ATG4A: variants seen among roughly 807,000 people sequenced by gnomAD.
ATG4A encodes the protein autophagy related 4A cysteine peptidase.
ATG4A carries 22 observed loss-of-function variants against 38.4 expected under a neutral mutation model. The ratio of observed to expected loss-of-function variants is 0.57; its 90% confidence interval spans 0.41 to 0.82. The LOEUF (loss-of-function observed/expected upper bound fraction) is 0.82, where lower values mean the gene tolerates loss of function less well. Among genes scored for constraint, ATG4A ranks in the 40% least tolerant of loss-of-function variants. The pLI is 0.00. For synonymous variants in ATG4A, 86 were observed against 100.7 expected, an observed-to-expected ratio of 0.85 and a Z score of 0.88; for missense variants, 220 against 290.0, an observed-to-expected ratio of 0.76 and a Z score of 1.75.
At position 108,126,167 on chromosome X, in the gene ATG4A, A is replaced by G; in HGVS notation, c.101A>G (p.Lys34Arg). ...DTDELVWILG[K>R]QHLLKTEKSK... ...GATGAGCTGGTATGGATCTTAGGGA[A>G]GCAGCATCTCCTTAAAACAGGTAAG... is the stretch of plus-strand genomic sequence containing the variant. The change falls in exon 2 of 13, where the codon AAG becomes AGG. Residue 34 changes from lysine (K) to arginine (R), a missense_variant. This residue lies in a region of ATG4A where 61 missense variants were observed against 83.3 expected (regional missense o/e 0.73). Coordinates refer to ENST00000372232, the MANE Select transcript of ATG4A (RefSeq NM_052936.5). The G allele has an allele frequency of 5.0e-6, 6 of 1,204,425 alleles. No individual in the cohort carries two copies. The highest frequency in any genetic ancestry group is 6.7e-6 in the Non-Finnish European group (6 of 888,960).
chrX:108,112,478 G>A (rs2032386493), intron 1 of ATG4A, among the ~76,000 whole-genome samples: 1 of 108,342 alleles, frequency 9.2e-6, no homozygotes, highest in Non-Finnish European at 1.9e-5. Context: ...TGCAAGCTCC[G>A]CCTCCCGGGT....
intron 9 of ATG4A, among the ~76,000 whole-genome samples, chrX:108,147,510 C>T (rs2033453766): frequency 9.0e-6 from 1 of 111,612 alleles, no homozygotes; most frequent in African/African-American, 3.3e-5. Context: ...ATGATAAGAG[C>T]TTGTGTCTGT....
chrX:108,130,297 A>G (rs1204455209), intron 3 of ATG4A, among the ~76,000 whole-genome samples: 1 of 111,259 alleles, frequency 9.0e-6, no homozygotes, highest in Non-Finnish European at 1.9e-5. Context: ...ATATTTTTCC[A>G]CTTCCACACT....
chrX:108,150,637 A>G (rs1358757019), intron 10 of ATG4A, among the ~76,000 whole-genome samples: 1 of 112,940 alleles, frequency 8.9e-6, no homozygotes, highest in Non-Finnish European at 1.9e-5. Context: ...GGAAGAGCAA[A>G]GGGATGTCTT....
intron 5 of ATG4A, 61 bp from the exon 6 acceptor site, chrX:108,134,278 A>G: frequency 8.5e-7 from 1 of 1,171,018 alleles, no homozygotes; most frequent in Non-Finnish European, 1.2e-6. Context: ...AAAAATTAAG[A>G]TTTTGTGGCT....
At chrX:108,098,524 C>T (rs929687588) in intron 1 of ATG4A, among the ~76,000 whole-genome samples, 14 of 110,989 alleles carry the variant, frequency 1.3e-4, no homozygotes, top group South Asian at 3.8e-4. Flanking sequence ...TGGAATGATA[C>T]GTGTGTATAA....
At chrX:108,115,223 T>C (rs1446846285) in intron 1 of ATG4A, among the ~76,000 whole-genome samples, 1 of 109,910 alleles carries the variant, frequency 9.1e-6, no homozygotes, top group East Asian at 2.8e-4. Context: ...TTAGTATAAT[T>C]TTTACAGTCT....
At chrX:108,122,352 C>A (rs1436734565) in intron 1 of ATG4A, among the ~76,000 whole-genome samples, 2 of 111,979 alleles carry the variant, frequency 1.8e-5, no homozygotes, top group Admixed American at 9.5e-5. Flanking sequence ...AATGAAAAAA[C>A]TGGCAGAAAT....
chrX:108,100,066 G>C (rs766830092), intron 1 of ATG4A, among the ~76,000 whole-genome samples: 2 of 111,608 alleles, frequency 1.8e-5, no homozygotes, highest in African/African-American at 6.5e-5. Context: ...TCTTTACTAT[G>C]CTGAGTCTTC....
intron 9 of ATG4A, among the ~76,000 whole-genome samples, chrX:108,146,069 C>T (rs909517385): frequency 2.7e-5 from 3 of 111,533 alleles, no homozygotes; most frequent in Non-Finnish European, 5.7e-5. Context: ...GCTAAAAGGC[C>T]GGAGGTCTCC....
intron 4 of ATG4A, among the ~76,000 whole-genome samples, chrX:108,132,062 C>T (rs933619691): frequency 3.6e-5 from 4 of 111,480 alleles, no homozygotes; most frequent in African/African-American, 1.3e-4. Flanking sequence ...CCACGCCTGG[C>T]TGATTTTTGA....
chrX:108,150,514 C>T (rs975196913), intron 10 of ATG4A, among the ~76,000 whole-genome samples: 4 of 112,655 alleles, frequency 3.6e-5, no homozygotes, highest in Non-Finnish European at 7.5e-5. Flanking sequence ...AGTCTGTTCT[C>T]CCACTGCTGA....
intron 1 of ATG4A, among the ~76,000 whole-genome samples, chrX:108,103,704 T>C (rs1260176382): frequency 8.9e-6 from 1 of 112,544 alleles, no homozygotes; most frequent in Non-Finnish European, 1.9e-5. Flanking sequence ...TATAACAACC[T>C]ATATTAAGCT....
intron 1 of ATG4A, among the ~76,000 whole-genome samples, chrX:108,102,416 A>ATT (rs199837071): frequency 3.6e-5 from 4 of 111,310 alleles, no homozygotes; most frequent in African/African-American, 9.8e-5. Flanking sequence ...ATTTGGTGAG[A>ATT]TTTTTTGTTA....
In ATG4A at chrX:108,154,584, C is replaced by G. The variant is rs1272530636; in HGVS notation, c.*872C>G. ...AAGCAGGTGGAGGGCTGGGTTTGGC[C>G]TGCAGGCTGTAGCTTGCCAATCAGT... On this transcript the variant is annotated 3_prime_UTR_variant, in exon 13 of 13. Coordinates refer to ENST00000372232, the MANE Select transcript of ATG4A (RefSeq NM_052936.5). The G allele has an allele frequency of 1.8e-5, 2 of 112,426 alleles. No individual in the cohort carries two copies. The highest frequency in any genetic ancestry group is 3.8e-5 in the Non-Finnish European group (2 of 53,306). 9.3% of individuals were successfully genotyped at this position (112,426 alleles called of 1,213,427 possible). A position where few individuals can be genotyped will look rare whatever the true frequency, so the allele number is the denominator to read the frequency against.
At position 108,134,038 on chromosome X, in the gene ATG4A, A is replaced by ATT; in HGVS notation, c.293-11_293-10dup. Reference sequence around the variant, plus strand: ...ACAGTTATAAAAATGTTTCTAACCCATTTTTTTTTCTTAAAAAGACTGGAG... The same window carrying ATT: ...ACAGTTATAAAAATGTTTCTAACCCATTTTTTTTTTTCTTAAAAAGACTGGAG... On this transcript the variant is annotated intron_variant, in intron 4 of 12. Transcript: ENST00000372232. 1 of 1,115,461 alleles carries ATT rather than the reference A, an allele frequency of 9.0e-7. No individual in the cohort carries two copies. Among genetic ancestry groups the ATT allele is most frequent in the Non-Finnish European group, 1.2e-6 (1 of 829,260 alleles). The allele number at this position is 1,115,461 out of a possible 1,213,427, so 91.9% of individuals were successfully genotyped here. A position where few individuals can be genotyped will look rare whatever the true frequency, so the allele number is the denominator to read the frequency against.
intron 1 of ATG4A, among the ~76,000 whole-genome samples, chrX:108,108,867 C>CT (rs1304222078): frequency 8.9e-6 from 1 of 111,744 alleles, no homozygotes; most frequent in East Asian, 2.8e-4. Flanking sequence ...CAGTATTAGT[C>CT]TTTTTTGTGA....
At chrX:108,091,514 C>G (rs779419112), upstream of ATG4A, 7 of 1,209,331 alleles carry the variant, frequency 5.8e-6, no homozygotes, top group African/African-American at 7.0e-5. Flanking sequence ...GACACACACC[C>G]CTCCATTTCG....
chrX:108,090,058 ATTTGC>A (rs2031558955), upstream of ATG4A, among the ~76,000 whole-genome samples: 1 of 111,923 alleles, frequency 8.9e-6, no homozygotes, highest in African/African-American at 3.2e-5. Flanking sequence ...ATCTTGCCCT[ATTTGC>A]TTTAACTAGT....
Sources: gnomAD v4.1 joint callset for allele counts (sites outside exome capture counted in the v4.1 genomes callset) on GRCh38, gnomAD v4.1.1 for gene constraint, gnomAD v4.1.1 regional missense constraint, MANE v1.5 for transcripts, NCBI Gene and HGNC (gene_info 2026-07-23, HGNC 2026-07-21) for gene names.